Variants in ATF7IP2 observed in about 807,000 individuals in gnomAD.
The protein encoded by ATF7IP2 is activating transcription factor 7-interacting protein 2.
ATF7IP2 carries 42 observed loss-of-function variants against 64.2 expected under a neutral mutation model. The ratio of observed to expected loss-of-function variants is 0.65; its 90% CI spans 0.51 to 0.85. The LOEUF is 0.85. ATF7IP2 is among the 40% of genes least tolerant of loss of function. The probability of loss-of-function intolerance (pLI) is 0.00; values close to 1 mark genes in which losing one functional copy is unlikely to be tolerated. For synonymous variants in ATF7IP2, 308 were observed against 272.8 expected (o/e 1.13, Z -1.27); for missense variants, 933 against 784.2 (o/e 1.19, Z -2.27).
chr16:10,474,860 T>G (rs189411759), intron 12 of ATF7IP2, among the ~76,000 whole-genome samples: 1 of 152,134 alleles, frequency 6.6e-6, no homozygotes, highest in Non-Finnish European at 1.5e-5. Context: ...AATGACTTCA[T>G]TAAAAGGTTG....
At chr16:10,466,369 TAC>T (rs1185599632) in intron 9 of ATF7IP2, among the ~76,000 whole-genome samples, 1 of 152,240 alleles carries the variant, frequency 6.6e-6, no homozygotes, top group Non-Finnish European at 1.5e-5. Context: ...TGTACATATA[TAC>T]ACTTCTGTTG....
At chr16:10,423,363 T>G (rs2048024077) in intron 3 of ATF7IP2, among the ~76,000 whole-genome samples, 1 of 152,238 alleles carries the variant, frequency 6.6e-6, no homozygotes, top group African/African-American at 2.4e-5. Flanking sequence ...GAACCTGGTC[T>G]ATAATGATTT....
intron 9 of ATF7IP2, among the ~76,000 whole-genome samples, chr16:10,471,637 T>C (rs148815382): frequency 1.4e-4 from 22 of 152,318 alleles, no homozygotes; most frequent in Admixed American, 2.0e-4. Context: ...GTGGTAAATA[T>C]TGCTACTGGA....
At position 10,442,353 on chromosome 16, in the gene ATF7IP2, C is replaced by A. The variant is rs372083964; in HGVS notation, c.1194+1891C>A. ...AACATGTCTTGACTTTGCTGTTCTT[C>A]TTGATTTTCTAGCAGTAAAAGCTTG... On this transcript the variant is annotated intron_variant, in intron 8 of 13. Transcript: ENST00000562102. Among the ~76,000 whole-genome samples the A allele has an allele frequency of 6.0e-4, 92 of 152,142 alleles. 4 individuals are homozygous for A. The highest frequency in any genetic ancestry group is 2.0e-4 in the Admixed American group (3 of 15,276).
chr16:10,469,753 G>A (rs2049719776), intron 9 of ATF7IP2, among the ~76,000 whole-genome samples: 1 of 152,086 alleles, frequency 6.6e-6, no homozygotes, highest in Non-Finnish European at 1.5e-5. Context: ...TCCAGCCTGG[G>A]AAACGAGCAA....
intron 9 of ATF7IP2, among the ~76,000 whole-genome samples, chr16:10,459,725 A>T (rs1212337100): frequency 6.6e-6 from 1 of 152,198 alleles, no homozygotes; most frequent in Non-Finnish European, 1.5e-5. Context: ...TAGATGCAGG[A>T]CTTGATAAAA....
intron 2 of ATF7IP2, among the ~76,000 whole-genome samples, chr16:10,415,656 CAAAGT>C (rs1017826111): frequency 1.3e-5 from 2 of 152,108 alleles, no homozygotes; most frequent in East Asian, 1.9e-4. Flanking sequence ...AAACAATCTA[CAAAGT>C]AAAGAGACAA....
At chr16:10,388,893 T>G (rs928662748) in intron 1 of ATF7IP2, among the ~76,000 whole-genome samples, 1 of 151,740 alleles carries the variant, frequency 6.6e-6, no homozygotes, top group Non-Finnish European at 1.5e-5. Context: ...GCGCCTGTAG[T>G]CCCAGCTTCT....
At chr16:10,467,176 G>A (rs1007747156) in intron 9 of ATF7IP2, among the ~76,000 whole-genome samples, 2 of 152,028 alleles carry the variant, frequency 1.3e-5, no homozygotes, top group Non-Finnish European at 2.9e-5. Flanking sequence ...AGCCTACCAT[G>A]GTTACCATCT....
intron 12 of ATF7IP2, among the ~76,000 whole-genome samples, chr16:10,475,895 A>C (rs1393816694): frequency 1.3e-5 from 2 of 152,316 alleles, no homozygotes; most frequent in Admixed American, 1.3e-4. Context: ...CTATGATTAC[A>C]AGAGATGTAC....
chr16:10,410,348 TTTTG>T (rs376115094), intron 1 of ATF7IP2, among the ~76,000 whole-genome samples: 2 of 134,920 alleles, frequency 1.5e-5, no homozygotes, highest in Admixed American at 7.1e-5. Context: ...TTTTGTTTTG[TTTTG>T]TTTTGTTTTT....
At chr16:10,445,643 T>TAA (rs759755565) in intron 8 of ATF7IP2, 3 of 152,372 alleles carry the variant, frequency 2.0e-5, no homozygotes, top group Admixed American at 1.3e-4. Flanking sequence ...TAGCTGGAAT[T>TAA]ACAGGCATGT....
chr16:10,406,251 T>C (rs900737640), intron 1 of ATF7IP2, among the ~76,000 whole-genome samples: 3 of 152,070 alleles, frequency 2.0e-5, no homozygotes, highest in African/African-American at 7.2e-5. Flanking sequence ...GGACTACAGG[T>C]GTGCACCACC....
intron 1 of ATF7IP2, among the ~76,000 whole-genome samples, chr16:10,409,536 C>T (rs890501738): frequency 3.3e-5 from 5 of 150,836 alleles, no homozygotes; most frequent in South Asian, 2.1e-4. Context: ...GAGCCATTCT[C>T]TTGCCTCAGC....
chr16:10,388,199 A>G (rs556294536), intron 1 of ATF7IP2, among the ~76,000 whole-genome samples: 20 of 152,238 alleles, frequency 1.3e-4, no homozygotes, highest in East Asian at 9.7e-4. Flanking sequence ...CCTATCTCAT[A>G]TTTTTATATC....
chr16:10,449,616 A>T (rs1472750263), intron 8 of ATF7IP2: 3 of 152,098 alleles, frequency 2.0e-5, no homozygotes, highest in African/African-American at 7.2e-5. Context: ...TTATTCTCTG[A>T]TGGTAGTCTG....
intron 1 of ATF7IP2, among the ~76,000 whole-genome samples, chr16:10,412,150 A>ATT (rs143498444): frequency 8.2e-6 from 1 of 121,332 alleles, no homozygotes; most frequent in Non-Finnish European, 1.8e-5. Context: ...TATCTTTTGT[A>ATT]TTTTTTTTTT....
intron 8 of ATF7IP2, among the ~76,000 whole-genome samples, chr16:10,453,320 G>A (rs932089379): frequency 2.6e-5 from 4 of 152,142 alleles, no homozygotes; most frequent in Non-Finnish European, 5.9e-5. Flanking sequence ...AGTCCATCAT[G>A]GCTTCCCTTG....
At chr16:10,428,617 C>G (rs1209788296) in intron 3 of ATF7IP2, among the ~76,000 whole-genome samples, 1 of 152,084 alleles carries the variant, frequency 6.6e-6, no homozygotes, top group Non-Finnish European at 1.5e-5. Flanking sequence ...AGCCTGTCAG[C>G]CTGATTGTGT....
Sources: allele counts gnomAD v4.1 joint callset (sites outside exome capture counted in the v4.1 genomes callset), GRCh38; gene constraint gnomAD v4.1.1; transcripts MANE v1.5; gene names NCBI Gene and HGNC (gene_info 2026-07-23, HGNC 2026-07-21).